Variants in MLIP observed in about 807,000 individuals in gnomAD.
The protein encoded by MLIP is muscular LMNA interacting protein, also known as muscular LMNA-interacting protein.
In MLIP, 79 loss-of-function variants were observed where a neutral mutation model predicts 84.8. The observed-to-expected ratio is 0.93, with a 90% CI of 0.78 to 1.12. MLIP has a LOEUF of 1.12. Ranked by LOEUF, MLIP falls within the 50% of genes most tolerant of loss-of-function variation. MLIP has a pLI of 0.00. For missense variants in MLIP, 1,257 were observed against 1,160.6 expected, an observed-to-expected ratio of 1.08 and a Z score of -1.21; for synonymous variants, 504 against 463.0, an observed-to-expected ratio of 1.09 and a Z score of -1.14.
At chr6:54,075,131 C>T (rs1766720332) in intron 1 of MLIP, among the ~76,000 whole-genome samples, 1 of 151,182 alleles carries the variant, frequency 6.6e-6, no homozygotes, top group African/African-American at 2.4e-5. Context: ...CCTGTAATCC[C>T]AGCTACTCGG....
At chr6:54,239,236 C>T (rs188584816) in intron 12 of MLIP, among the ~76,000 whole-genome samples, 1 of 151,752 alleles carries the variant, frequency 6.6e-6, no homozygotes, top group African/African-American at 2.4e-5. Context: ...CACTCGCAGA[C>T]CCCAGGCTGT....
intron 11 of MLIP, among the ~76,000 whole-genome samples, chr6:54,228,655 G>A (rs564665135): frequency 6.6e-6 from 1 of 152,280 alleles, no homozygotes; most frequent in South Asian, 2.1e-4. Flanking sequence ...ACTTGATTCC[G>A]CCAGATAAGC....
At chr6:54,223,589 TA>T (rs1780369905) in intron 11 of MLIP, among the ~76,000 whole-genome samples, 1 of 152,122 alleles carries the variant, frequency 6.6e-6, no homozygotes, top group African/African-American at 2.4e-5. Flanking sequence ...AGTCTGCTTT[TA>T]TGACAGTGCC....
chr6:54,052,597 T>C (rs1366811988), intron 1 of MLIP, among the ~76,000 whole-genome samples: 1 of 152,204 alleles, frequency 6.6e-6, no homozygotes, highest in African/African-American at 2.4e-5. Flanking sequence ...ATTGTCACAA[T>C]TGTTTATATA....
intron 11 of MLIP, among the ~76,000 whole-genome samples, chr6:54,222,911 G>A (rs1189231662): frequency 3.3e-5 from 5 of 151,920 alleles, no homozygotes; most frequent in African/African-American, 1.2e-4. Flanking sequence ...ATTCCAACAG[G>A]TGTGATATGA....
At chr6:54,183,854 A>G (rs1249743064) in intron 9 of MLIP, among the ~76,000 whole-genome samples, 2 of 147,194 alleles carry the variant, frequency 1.4e-5, no homozygotes, top group South Asian at 2.2e-4. Context: ...TGTAAGTTCC[A>G]TCGATAGTAA....
intron 2 of MLIP, 128 bp downstream of exon 2, chr6:54,121,730 A>G: frequency 2.9e-6 from 2 of 693,566 alleles, no homozygotes; most frequent in Non-Finnish European, 4.6e-6. Flanking sequence ...TTGACTAAAA[A>G]TATAATAATG....
chr6:54,082,843 A>G (rs1767253100), intron 1 of MLIP, among the ~76,000 whole-genome samples: 1 of 152,142 alleles, frequency 6.6e-6, no homozygotes, highest in African/African-American at 2.4e-5. Flanking sequence ...TGAATTATAG[A>G]GCACTTAATA....
At chr6:54,248,805 C>T (rs759966508) in intron 12 of MLIP, among the ~76,000 whole-genome samples, 5 of 152,046 alleles carry the variant, frequency 3.3e-5, no homozygotes, top group Non-Finnish European at 5.9e-5. Context: ...AGAATTGAGA[C>T]TCCAATATAA....
chr6:54,239,692 C>G (rs1278460570), intron 12 of MLIP, among the ~76,000 whole-genome samples: 1 of 151,342 alleles, frequency 6.6e-6, no homozygotes, highest in African/African-American at 2.4e-5. Flanking sequence ...GAGGCTGAGG[C>G]AGGAGAATCA....
intron 1 of MLIP, among the ~76,000 whole-genome samples, chr6:54,094,951 C>T (rs1229177964): frequency 6.6e-6 from 1 of 152,128 alleles, no homozygotes; most frequent in East Asian, 1.9e-4. Context: ...AGAAAACAAC[C>T]TCCAAACACA....
chr6:54,083,533 C>T (rs1767296835), intron 1 of MLIP: 1 of 1,535,880 alleles, frequency 6.5e-7, no homozygotes, highest in South Asian at 1.2e-5. Context: ...CTTGCCGTTA[C>T]AACCACTGCT....
chr6:54,099,634 G>T (rs1026851096), intron 1 of MLIP: 1 of 152,148 alleles, frequency 6.6e-6, no homozygotes, highest in Non-Finnish European at 1.5e-5. Flanking sequence ...ATGCCAATGT[G>T]TGCTTTCAAA....
At chr6:54,219,372 T>A (rs1404660503) in intron 11 of MLIP, among the ~76,000 whole-genome samples, 2 of 4,578 alleles carry the variant, frequency 4.4e-4, no homozygotes, top group Non-Finnish European at 1.9e-3. Flanking sequence ...ATTTTAAACT[T>A]TTTTTTTTTT....
At chr6:54,109,452 A>G (rs1769258285), upstream of MLIP, among the ~76,000 whole-genome samples, 1 of 152,156 alleles carries the variant, frequency 6.6e-6, no homozygotes, top group Non-Finnish European at 1.5e-5. Context: ...TAAAAAGTTC[A>G]GTAACTTGTC....
chr6:54,027,820 G>T (rs1763906155), intron 1 of MLIP, among the ~76,000 whole-genome samples: 1 of 152,194 alleles, frequency 6.6e-6, no homozygotes, highest in Non-Finnish European at 1.5e-5. Flanking sequence ...GTAAGTCTGA[G>T]ACTCACTGTT....
At chr6:54,022,093 C>A (rs968878044) in intron 1 of MLIP, among the ~76,000 whole-genome samples, 4 of 152,228 alleles carry the variant, frequency 2.6e-5, no homozygotes, top group African/African-American at 7.2e-5. Flanking sequence ...TTTTGTTTTT[C>A]CTATCATGTA....
intron 10 of MLIP, among the ~76,000 whole-genome samples, chr6:54,196,099 C>G (rs1234239532): frequency 1.3e-5 from 2 of 151,978 alleles, no homozygotes; most frequent in African/African-American, 4.8e-5. Context: ...CCTCAAAGTT[C>G]CCTCTTTGTG....
In MLIP at chr6:54,219,394, A is replaced by T. The variant is rs1366983791; in HGVS notation, c.2719-11320A>T. Among the ~76,000 whole-genome samples, 5 of 120,982 alleles carry T rather than the reference A, an allele frequency of 4.1e-5. No individual in the cohort carries two copies. The East Asian group carries it at 1.1e-3, about 28-fold the overall frequency. 79.4% of individuals were successfully genotyped at this position (120,982 alleles called of 152,430 possible). ...ACTTTTTTTTTTTTTTTTTTCTCAG[A>T]CACAAGTACACAAGTTAGCCTAGGC... is the stretch of plus-strand genomic sequence containing the variant. On this transcript the variant is annotated intron_variant, in intron 11 of 13. Transcript: ENST00000502396.
Sources: gnomAD v4.1 joint callset for allele counts (sites outside exome capture counted in the v4.1 genomes callset) on GRCh38, gnomAD v4.1.1 for gene constraint, MANE v1.5 for transcripts, NCBI Gene and HGNC (gene_info 2026-07-23, HGNC 2026-07-21) for gene names.